The following THADA variants were observed in gnomAD, a reference collection of about 807,000 sequenced individuals.
The protein encoded by THADA is tRNA (32-2'-O)-methyltransferase regulator THADA.
A neutral mutation model predicts 219.8 loss-of-function variants in THADA; 213 were observed. The observed-to-expected ratio is 0.97, with a 90% CI of 0.87 to 1.09. The LOEUF (loss-of-function observed/expected upper bound fraction) is 1.09. THADA is among the 50% of genes least tolerant of loss of function. The pLI is 0.00. For missense variants in THADA, 2,956 were observed against 2,311.3 expected (o/e 1.28, Z -5.72); for synonymous variants, 1,018 against 828.9 (o/e 1.23, Z -3.92).
In THADA at chr2:43,301,968, C is replaced by A. The variant is rs145398650; in HGVS notation, c.4439-8755G>T. On this transcript the variant is annotated intron_variant, in intron 31 of 37. Coordinates refer to ENST00000405975, the MANE Select transcript of THADA (RefSeq NM_022065.5). Reference sequence around the variant, plus strand: ...CCCTTCGTTTGCAGGACACAAATAACTGAAGTTTGATCCAGTCTGAAGTTT... The same window carrying A: ...CCCTTCGTTTGCAGGACACAAATAAATGAAGTTTGATCCAGTCTGAAGTTT... Among the ~76,000 whole-genome samples the A allele has an allele frequency of 2.0e-5, 3 of 152,162 alleles. No individual in the cohort carries two copies. In the South Asian group the frequency reaches 6.2e-4, roughly 31 times the overall value.
chr2:43,391,698 G>A (rs1455730837), intron 29 of THADA: 2 of 152,082 alleles, frequency 1.3e-5, no homozygotes, highest in African/African-American at 2.4e-5. Context: ...TAAAACCAAC[G>A]ATGCTGCTCC....
Position 43,489,874 on chromosome 2 carries a change from C to CAAAAA in THADA, c.3745-4554_3745-4550dup, listed in dbSNP as rs201735523. ...ATTTCCATATGTATTTTAAGATCTG[C>CAAAAA]AAAAAAAAAAAAAAAAAAAAGCTAG... On this transcript the variant is annotated intron_variant, in intron 25 of 37. Coordinates refer to ENST00000405975, the MANE Select transcript of THADA (RefSeq NM_022065.5). Among the ~76,000 whole-genome samples the CAAAAA allele has an allele frequency of 5.0e-4, 28 of 56,072 alleles. 1 individual carries two copies. The highest frequency in any genetic ancestry group is 8.0e-4 in the African/African-American group (12 of 15,012). 36.8% of individuals were successfully genotyped at this position (56,072 alleles called of 152,430 possible).
At chr2:43,490,113 T>C (rs771027237) in intron 25 of THADA, among the ~76,000 whole-genome samples, 3 of 152,184 alleles carry the variant, frequency 2.0e-5, no homozygotes, top group Non-Finnish European at 4.4e-5. Context: ...TTCTTTTTGA[T>C]GCTATCATAA....
intron 34 of THADA, among the ~76,000 whole-genome samples, chr2:43,291,093 G>T (rs1458833126): frequency 2.0e-5 from 3 of 151,918 alleles, no homozygotes; most frequent in Non-Finnish European, 4.4e-5. Context: ...AAAAAACAAG[G>T]GGTTTGGGCA....
chr2:43,399,339 G>C (rs905982238), intron 28 of THADA, among the ~76,000 whole-genome samples: 1 of 152,226 alleles, frequency 6.6e-6, no homozygotes, highest in Non-Finnish European at 1.5e-5. Flanking sequence ...GAATTACTTG[G>C]TAAGAATTAG....
chr2:43,310,770 T>C (rs1014414684), intron 31 of THADA, among the ~76,000 whole-genome samples: 21 of 152,206 alleles, frequency 1.4e-4, no homozygotes, highest in African/African-American at 4.6e-4. Flanking sequence ...TCAAAGGATA[T>C]TATGAAGACA....
chr2:43,534,927 C>T (rs535965645), intron 21 of THADA, among the ~76,000 whole-genome samples: 163 of 152,168 alleles, frequency 1.1e-3, no homozygotes, highest in African/African-American at 3.7e-3. Context: ...CCACACTGTT[C>T]TCCACAGTAG....
chr2:43,303,569 A>T (rs74866134), intron 31 of THADA, among the ~76,000 whole-genome samples: 1 of 107,976 alleles, frequency 9.3e-6, no homozygotes, highest in Non-Finnish European at 2.0e-5. Context: ...TTGTTAAATT[A>T]AAAAAAAAAT....
intron 36 of THADA, among the ~76,000 whole-genome samples, chr2:43,272,114 G>A (rs1357197315): frequency 6.6e-6 from 1 of 152,188 alleles, no homozygotes; most frequent in African/African-American, 2.4e-5. Flanking sequence ...CAGGACAAGG[G>A]AAGAATATTC....
At chr2:43,475,451 GA>G (rs950100764) in intron 26 of THADA, among the ~76,000 whole-genome samples, 21 of 140,170 alleles carry the variant, frequency 1.5e-4, no homozygotes, top group African/African-American at 5.0e-4. Context: ...AAAAAACCTA[GA>G]AAGACTATTT....
At chr2:43,581,328 C>A (rs975216103) in intron 8 of THADA, among the ~76,000 whole-genome samples, 12 of 151,934 alleles carry the variant, frequency 7.9e-5, no homozygotes, top group African/African-American at 2.9e-4. Context: ...CCAGGAGTTC[C>A]AGAACAGCCT....
intron 24 of THADA, among the ~76,000 whole-genome samples, chr2:43,500,327 C>T (rs1204606399): frequency 6.6e-6 from 1 of 152,110 alleles, no homozygotes; most frequent in Non-Finnish European, 1.5e-5. Context: ...TTCTTGATGG[C>T]TGCACAAATG....
chr2:43,330,151 G>A (rs1679794295), intron 30 of THADA, among the ~76,000 whole-genome samples: 3 of 152,312 alleles, frequency 2.0e-5, no homozygotes, highest in Admixed American at 2.0e-4. Flanking sequence ...GTGTTTTCTG[G>A]CTAGAGGCTT....
intron 30 of THADA, among the ~76,000 whole-genome samples, chr2:43,330,891 T>C (rs186493129): frequency 9.2e-5 from 14 of 152,326 alleles, no homozygotes; most frequent in Admixed American, 4.6e-4. Context: ...TTTACATCCC[T>C]AATTTGAGCC....
chr2:43,399,786 A>C (rs1226125989), intron 28 of THADA, among the ~76,000 whole-genome samples: 1 of 152,098 alleles, frequency 6.6e-6, no homozygotes, highest in Non-Finnish European at 1.5e-5. Context: ...TAAATGTTTA[A>C]TCTGTAATTG....
At chr2:43,394,767 T>G (rs1673820745) in intron 29 of THADA, among the ~76,000 whole-genome samples, 1 of 152,182 alleles carries the variant, frequency 6.6e-6, no homozygotes, top group Non-Finnish European at 1.5e-5. Flanking sequence ...CCACATCCCT[T>G]TGACTTCTTT....
At chr2:43,506,206 A>G (rs954262741) in intron 23 of THADA, among the ~76,000 whole-genome samples, 3 of 152,232 alleles carry the variant, frequency 2.0e-5, no homozygotes, top group Admixed American at 1.3e-4. Flanking sequence ...ATTCTTCACA[A>G]AAGAATCATT....
chr2:43,305,349 A>T lies in THADA; in HGVS notation c.4439-12136T>A, dbSNP rs1572994695. ...CCCAGGGGCCCCTCCAGTTACAAACATGTTGAATGACCTGGTGGAGGGATT... is the reference window on the plus strand; with the variant it reads ...CCCAGGGGCCCCTCCAGTTACAAACTTGTTGAATGACCTGGTGGAGGGATT... On this transcript the variant is annotated intron_variant, in intron 31 of 37. Transcript: ENST00000405975. 5.3e-5 allele frequency among the ~76,000 whole-genome samples: 8 copies of T among 152,244 alleles called. No homozygotes were observed. In the South Asian group the frequency reaches 1.7e-3, roughly 32 times the overall value.
Position 43,265,104 on chromosome 2 carries a change from G to A in THADA, c.5296+14661C>T, listed in dbSNP as rs936802106. Among the ~76,000 whole-genome samples the A allele has an allele frequency of 6.6e-5, 10 of 152,166 alleles. No homozygotes were observed. The East Asian group carries it at 1.5e-3, about 23-fold the overall frequency. On this transcript the variant is annotated intron_variant, in intron 36 of 37. Transcript: ENST00000405975. ...AGATTCCTGCTAGTTTCTCAGAGTC[G>A]AATTTAAAATATTTGGCCAGAAGCT...
Sources: allele counts gnomAD v4.1 joint callset (sites outside exome capture counted in the v4.1 genomes callset), GRCh38; gene constraint gnomAD v4.1.1; transcripts MANE v1.5; gene names NCBI Gene and HGNC (gene_info 2026-07-23, HGNC 2026-07-21).